The following PTCH2 variants were observed in gnomAD, a reference collection of about 807,000 sequenced individuals.
PTCH2 encodes the protein protein patched homolog 2.
A neutral mutation model predicts 117.9 loss-of-function variants in PTCH2; 96 were observed. That is an observed-to-expected ratio of 0.81 (90% confidence interval 0.69 to 0.96). The LOEUF (loss-of-function observed/expected upper bound fraction) is 0.96, where lower values mean the gene tolerates loss of function less well. Among genes scored for constraint, PTCH2 ranks in the 50% least tolerant of loss-of-function variants. PTCH2 has a pLI of 0.00. For missense variants in PTCH2, 1,379 were observed against 1,562.5 expected (o/e 0.88, Z 1.98); for synonymous variants, 615 against 660.9 (o/e 0.93, Z 1.06).
downstream of PTCH2, among the ~76,000 whole-genome samples, chr1:44,821,440 C>T (rs1460598425): frequency 2.6e-5 from 4 of 152,236 alleles, no homozygotes; most frequent in African/African-American, 9.6e-5. Flanking sequence ...GCTCTGGAAC[C>T]TGGCTCCTTT....
chr1:44,835,132 G>A (rs1287801851), intron 2 of PTCH2, among the ~76,000 whole-genome samples: 1 of 152,136 alleles, frequency 6.6e-6, no homozygotes, highest in Non-Finnish European at 1.5e-5. Flanking sequence ...GTGCAGTGGT[G>A]CAATCACAGC....
Position 44,829,261 on chromosome 1 carries a change from C to T in PTCH2, c.1267G>A (p.Gly423Ser), listed in dbSNP as rs371644875. Residue 423 changes from glycine (G) to serine (S), a missense_variant, in exon 10 of 22, where the codon GGT becomes AGT. By Grantham distance (56) the Gly-to-Ser change is moderately conservative (BLOSUM62 0). Coordinates refer to ENST00000372192, the MANE Select transcript of PTCH2 (RefSeq NM_003738.5). ...MLRWDCAQSQ[G>S]SVGLAGVLLV... ...AGTACCCCGGCAAGGCCCACGGAAC[C>T]CTGGGACTGGGCGCAGTCCCACCGC... The T allele has an allele frequency of 6.2e-6, 10 of 1,613,414 alleles. No homozygotes were observed. The African/African-American group carries it at 1.2e-4, about 19-fold the overall frequency.
chr1:44,831,138 A>C lies in PTCH2; in HGVS notation c.618-95T>G, dbSNP rs1653428390. On this transcript the variant is annotated intron_variant, in intron 5 of 21. Coordinates refer to ENST00000372192, the MANE Select transcript of PTCH2 (RefSeq NM_003738.5). The surrounding 1 kb of genome is among the most constrained non-coding windows in gnomAD (Gnocchi z 4.3). ...CCATGCTGTACCCCACCCTCCTCTTATCTGCCGATTTGTCCTTCCATATGG... is the reference window on the plus strand; with the variant it reads ...CCATGCTGTACCCCACCCTCCTCTTCTCTGCCGATTTGTCCTTCCATATGG... The C allele has an allele frequency of 1.6e-6, 2 of 1,256,942 alleles. No individual in the cohort carries two copies. The allele number at this position is 1,256,942 out of a possible 1,614,324, so 77.9% of individuals were successfully genotyped here. A position where few individuals can be genotyped will look rare whatever the true frequency, so the allele number is the denominator to read the frequency against.
In PTCH2 at chr1:44,823,487, C is replaced by G. The variant is rs1204552626; in HGVS notation, c.3115-102G>C. The G allele has an allele frequency of 1.3e-6, 2 of 1,528,282 alleles. No individual in the cohort carries two copies. Among genetic ancestry groups the G allele is most frequent in the African/African-American group, 1.4e-5 (1 of 73,146 alleles). The allele number at this position is 1,528,282 out of a possible 1,614,324, so 94.7% of individuals were successfully genotyped here. A position where few individuals can be genotyped will look rare whatever the true frequency, so the allele number is the denominator to read the frequency against. On this transcript the variant is annotated intron_variant, in intron 19 of 21. Transcript: ENST00000372192. The surrounding 1 kb of genome is among the most constrained non-coding windows in gnomAD (Gnocchi z 5.1). The stretch of plus-strand genomic sequence containing the variant: ...TCTTCAGAGCTCAACGATACCTTGG[C>G]CCACCAAAGGCTGGGTGAACTAAGT...
At chr1:44,822,702 G>A (rs372284746) in intron 21 of PTCH2, 33 bp from the exon 22 acceptor site, 28 of 1,604,250 alleles carry the variant, frequency 1.7e-5, no homozygotes, top group African/African-American at 1.2e-4. Context: ...GTAAGCCCAC[G>A]GGCCCCTGGG....
At position 44,826,955 on chromosome 1, in the gene PTCH2, G is replaced by C. The variant is rs377325413; in HGVS notation, c.2642C>G (p.Pro881Arg). The change falls in exon 17 of 22, where the codon CCA becomes CGA. Residue 881 changes from proline to arginine, a missense_variant. Physicochemically the swap from Pro to Arg is moderately radical, Grantham distance 103. Transcript: ENST00000372192. The surrounding 1 kb of genome is among the most constrained non-coding windows in gnomAD (Gnocchi z 5.1). ...TTTGTCGTGCAGCCATTCAGGAGGTGGGGGGTAGAAGTTGGCCTGTGAGGC... is the reference window on the plus strand; with the variant it reads ...TTTGTCGTGCAGCCATTCAGGAGGTCGGGGGTAGAAGTTGGCCTGTGAGGC... The part of the protein sequence containing the change: ...LAASQANFYP[P>R]PPEWLHDKYD... The C allele has an allele frequency of 1.9e-6, 3 of 1,614,052 alleles. No homozygotes were observed. Among genetic ancestry groups the C allele is most frequent in the East Asian group, 2.2e-5 (1 of 44,886 alleles).
chr1:44,830,892 C>A lies in PTCH2; in HGVS notation c.769G>T (p.Asp257Tyr). 6.3e-7 allele frequency: 1 copy of A among 1,575,208 alleles called. No individual in the cohort carries two copies. The highest frequency in any genetic ancestry group is 8.7e-7 in the Non-Finnish European group (1 of 1,152,304). ...GGGGCACTAGGTGGGCAGTGGAGGT[C>A]ATCAGGGTGCAGACAGGGCCGCCCC... ...YVGRPCLHPDDLHCPPSAPNH... is the reference protein window; with the variant it reads ...YVGRPCLHPDYLHCPPSAPNH... The change falls in exon 6 of 22, where the codon GAC becomes TAC. Residue 257 changes from aspartate to tyrosine, a missense_variant. Coordinates refer to ENST00000372192, the MANE Select transcript of PTCH2 (RefSeq NM_003738.5).
intron 7 of PTCH2, 70 bp from the exon 8 acceptor site, chr1:44,829,831 T>C: frequency 6.2e-7 from 1 of 1,613,896 alleles, no homozygotes; most frequent in African/African-American, 1.3e-5. Context: ...TGAAGGGCCT[T>C]TTGCCAGAGC....
chr1:44,826,538 A>AAGC lies in PTCH2; in HGVS notation c.2925_2926insGCT (p.Thr975_Phe976insAla), dbSNP rs1459615294. On this transcript the variant is annotated inframe_insertion, in exon 18 of 22. Transcript: ENST00000372192. This position sits in a 1 kb window ranked among gnomAD's most constrained non-coding sequence, Gnocchi z 5.1. ...AGGAGCAGCAGAGCACAGACGAGGA[A>AAGC]AGTGCACACCAGCAGGATGCAGACG... The AAGC allele has an allele frequency of 6.8e-6, 11 of 1,613,672 alleles. No homozygotes were observed. Among genetic ancestry groups the AAGC allele is most frequent in the Non-Finnish European group, 8.5e-6 (10 of 1,180,018 alleles).
chr1:44,839,111 A>G (rs1396621459), intron 2 of PTCH2, among the ~76,000 whole-genome samples: 1 of 152,076 alleles, frequency 6.6e-6, no homozygotes, highest in Non-Finnish European at 1.5e-5. Flanking sequence ...CGTCTGGCTC[A>G]GGCCTGTAAT....
intron 19 of PTCH2, among the ~76,000 whole-genome samples, chr1:44,824,889 T>C (rs1653076483): frequency 1.3e-5 from 2 of 152,074 alleles, no homozygotes; most frequent in African/African-American, 2.4e-5. Flanking sequence ...CCCAGGCTGG[T>C]CTTGAACTCC....
chr1:44,831,111 C>A lies in PTCH2; in HGVS notation c.618-68G>T. On this transcript the variant is annotated intron_variant, in intron 5 of 21. Transcript: ENST00000372192. This position sits in a 1 kb window ranked among gnomAD's most constrained non-coding sequence, Gnocchi z 4.3. ...CCCAGGCTCCAAACTGCTGCTGGGGCGCCATGCTGTACCCCACCCTCCTCT... is the reference window on the plus strand; with the variant it reads ...CCCAGGCTCCAAACTGCTGCTGGGGAGCCATGCTGTACCCCACCCTCCTCT... The A allele has an allele frequency of 6.8e-7, 1 of 1,466,612 alleles. No homozygotes were observed. 90.8% of individuals were successfully genotyped at this position (1,466,612 alleles called of 1,614,324 possible).
rs1310687540 is a variant in PTCH2, at chr1:44,843,225, C to T, written c.-293G>A. ...CGCAGGCGGAATTGCTGGCCCGAGA[C>T]GCACAGCAGGGCTCGAGGTGGCAAC... On this transcript the variant is annotated 5_prime_UTR_variant, in exon 1 of 22. Transcript: ENST00000372192. 5.1e-6 allele frequency: 5 copies of T among 985,290 alleles called. No homozygotes were observed. The highest frequency in any genetic ancestry group is 6.0e-6 in the Non-Finnish European group (5 of 829,920). 61.0% of individuals were successfully genotyped at this position (985,290 alleles called of 1,614,324 possible). A position where few individuals can be genotyped will look rare whatever the true frequency, so the allele number is the denominator to read the frequency against.
chr1:44,841,697 T>C, intron 2 of PTCH2, 150 bp downstream of exon 2: 1 of 759,060 alleles, frequency 1.3e-6, no homozygotes, highest in Non-Finnish European at 2.3e-6. Flanking sequence ...GGGAACGGTG[T>C]TCCTAGATGC....
At position 44,828,430 on chromosome 1, in the gene PTCH2, G is replaced by A. The variant is rs1471120818; in HGVS notation, c.1591-16C>T. ...CTATGGCCGCCTGGGGGACGGACAG[G>A]AGGGGAATGAAGGCTGGATGAAGCT... On this transcript the variant is annotated splice_polypyrimidine_tract_variant and intron_variant, in intron 12 of 21. Coordinates refer to ENST00000372192, the MANE Select transcript of PTCH2 (RefSeq NM_003738.5). The A allele has an allele frequency of 6.2e-7, 1 of 1,614,174 alleles. No homozygotes were observed. Among genetic ancestry groups the A allele is most frequent in the South Asian group, 1.1e-5 (1 of 91,084 alleles).
chr1:44,832,468 C>T, intron 2 of PTCH2, 127 bp from the exon 3 acceptor site: 1 of 973,774 alleles, frequency 1.0e-6, no homozygotes, highest in Non-Finnish European at 1.6e-6. Flanking sequence ...GAGTCCCTGC[C>T]TTATCCCTGA....
intron 2 of PTCH2, among the ~76,000 whole-genome samples, chr1:44,834,076 T>C (rs983157211): frequency 1.5e-4 from 22 of 151,244 alleles, no homozygotes; most frequent in African/African-American, 4.9e-4. Flanking sequence ...CTTCACCTCA[T>C]GAAAACAGTC....
At chr1:44,828,833 C>T (rs1653287170) in intron 11 of PTCH2, 149 bp downstream of exon 11, 4 of 1,172,256 alleles carry the variant, frequency 3.4e-6, no homozygotes, top group African/African-American at 1.5e-5. Flanking sequence ...AAACAATAAC[C>T]CTTAGGACAC....
rs1652936077 is a variant in PTCH2, at chr1:44,822,179, C to A, written c.*236G>T. On this transcript the variant is annotated 3_prime_UTR_variant, in exon 22 of 22. Coordinates refer to ENST00000372192, the MANE Select transcript of PTCH2 (RefSeq NM_003738.5). ...AAGGGGGACAGGGCTGCACTGCAGC[C>A]CCAAGTGCCAGCTTTCACTCTCAAG... The A allele has an allele frequency of 4.9e-6, 7 of 1,433,926 alleles. No individual in the cohort carries two copies. The East Asian group carries it at 1.8e-4, about 36-fold the overall frequency. 88.8% of individuals were successfully genotyped at this position (1,433,926 alleles called of 1,614,324 possible).
Sources: allele counts gnomAD v4.1 joint callset (sites outside exome capture counted in the v4.1 genomes callset), GRCh38; gene constraint gnomAD v4.1.1; non-coding constraint Gnocchi (gnomAD v3.1); transcripts MANE v1.5; gene names NCBI Gene and HGNC (gene_info 2026-07-23, HGNC 2026-07-21).